The following HOOK3 variants were observed in gnomAD, a reference collection of about 807,000 sequenced individuals.
HOOK3 encodes the protein hook microtubule tethering protein 3.
A neutral mutation model predicts 116.3 loss-of-function variants in HOOK3; 24 were observed. That is an observed-to-expected ratio of 0.21 (90% CI 0.15 to 0.29). The LOEUF is 0.29. Ranked by LOEUF, HOOK3 falls within the 10% of genes least tolerant of loss-of-function variation. The pLI is 1.00. For synonymous variants in HOOK3, 275 were observed against 283.0 expected (o/e 0.97, Z 0.28); for missense variants, 632 against 830.2 (o/e 0.76, Z 2.93).
chr8:42,966,249 T>C (rs566069636), intron 9 of HOOK3, among the ~76,000 whole-genome samples: 1 of 152,320 alleles, frequency 6.6e-6, no homozygotes, highest in Admixed American at 6.5e-5. Flanking sequence ...TGTCTTGCTT[T>C]CTGGTAGGGA....
chr8:42,941,791 G>A (rs1808132953), intron 4 of HOOK3, among the ~76,000 whole-genome samples: 2 of 151,942 alleles, frequency 1.3e-5, no homozygotes, highest in Non-Finnish European at 2.9e-5. Flanking sequence ...GCCAAGTGTG[G>A]GGAAGGACCC....
intron 5 of HOOK3, among the ~76,000 whole-genome samples, chr8:42,946,161 G>A (rs1425663560): frequency 1.3e-5 from 2 of 152,144 alleles, no homozygotes; most frequent in African/African-American, 4.8e-5. Flanking sequence ...TGTTAGAACA[G>A]ACAAGTACCT....
chr8:42,966,682 A>G, intron 10 of HOOK3, 69 bp downstream of exon 10: 1 of 1,534,504 alleles, frequency 6.5e-7, no homozygotes, highest in East Asian at 2.3e-5. Context: ...GTTTCTGAGG[A>G]TCTAGCAAAC....
chr8:43,005,338 A>C (rs1251849009), intron 17 of HOOK3, among the ~76,000 whole-genome samples: 1 of 146,986 alleles, frequency 6.8e-6, no homozygotes, highest in Non-Finnish European at 1.5e-5. Context: ...CTCCTGCCTC[A>C]GCCTCCCGAG....
intron 7 of HOOK3, among the ~76,000 whole-genome samples, chr8:42,958,546 G>T (rs886900655): frequency 6.7e-6 from 1 of 148,644 alleles, no homozygotes; most frequent in Non-Finnish European, 1.5e-5. Flanking sequence ...AATCTCAGGA[G>T]ATGCAAAATT....
At chr8:42,924,987 A>C (rs573223937) in intron 2 of HOOK3, among the ~76,000 whole-genome samples, 2 of 152,102 alleles carry the variant, frequency 1.3e-5, no homozygotes, top group East Asian at 1.9e-4. Context: ...AAAAAAAAAA[A>C]CCCAAAAACT....
At chr8:42,994,388 G>T in intron 15 of HOOK3, 1 of 379,134 alleles carries the variant, frequency 2.6e-6, no homozygotes, top group Non-Finnish European at 5.2e-6. Context: ...TCATTCAGTG[G>T]CATCGTTAGG....
At chr8:42,982,259 A>AAAAAAAAAAAAG (rs552771417) in intron 13 of HOOK3, among the ~76,000 whole-genome samples, 1 of 144,762 alleles carries the variant, frequency 6.9e-6, no homozygotes, top group Non-Finnish European at 1.5e-5. Context: ...TGTCTTAAAA[A>AAAAAAAAAAAAG]AAAAAAAAAA....
chr8:43,007,047 G>A (rs1275498994), intron 17 of HOOK3, among the ~76,000 whole-genome samples: 1 of 73,882 alleles, frequency 1.4e-5, no homozygotes, highest in Admixed American at 1.9e-4. Context: ...TTTTTTTTGA[G>A]ATGGAGTCTC....
chr8:42,975,028 C>G (rs146041137), intron 13 of HOOK3, among the ~76,000 whole-genome samples: 2 of 152,070 alleles, frequency 1.3e-5, no homozygotes, highest in African/African-American at 4.8e-5. Context: ...CCCTCCTTGG[C>G]GTAGCGACGG....
At chr8:42,917,796 CTAAGT>C (rs1317221144) in intron 2 of HOOK3, among the ~76,000 whole-genome samples, 12 of 152,142 alleles carry the variant, frequency 7.9e-5, no homozygotes. Flanking sequence ...TTATAGTACA[CTAAGT>C]TGTCTGTTGG....
intron 4 of HOOK3, among the ~76,000 whole-genome samples, chr8:42,936,016 T>A (rs1446072536): frequency 6.6e-6 from 1 of 152,224 alleles, no homozygotes; most frequent in African/African-American, 2.4e-5. Flanking sequence ...ATTCTTCCTA[T>A]CCATGAGCAT....
At position 42,966,540 on chromosome 8, in the gene HOOK3, C is replaced by G; in HGVS notation, c.847C>G (p.Arg283Gly). ...GTTAGAAAAGGAGATCTCTGAACTT[C>G]GGCAACAGAATGATGAACTGACCAC... The part of the protein sequence containing the change: ...EELEKEISEL[R>G]QQNDELTTLA... Residue 283 changes from arginine to glycine, a missense_variant, in exon 10 of 22, where the codon CGG becomes GGG. Around this residue, in one of 3 missense-constraint regions of HOOK3, gnomAD observed 483 missense variants for 648.1 expected, o/e 0.75. Transcript: ENST00000307602. 1 of 1,614,006 alleles carries G rather than the reference C, an allele frequency of 6.2e-7. No homozygotes were observed. Among genetic ancestry groups the G allele is most frequent in the Non-Finnish European group, 8.5e-7 (1 of 1,179,932 alleles).
At chr8:42,997,845 A>G in intron 16 of HOOK3, 1 of 454,000 alleles carries the variant, frequency 2.2e-6, no homozygotes, top group Non-Finnish European at 4.0e-6. Flanking sequence ...GCTGGGAATT[A>G]GAAGTTCATT....
chr8:42,959,090 C>G (rs1459339897), intron 7 of HOOK3, 141 bp from the exon 8 acceptor site: 1 of 597,272 alleles, frequency 1.7e-6, no homozygotes, highest in Middle Eastern at 3.7e-4. Context: ...TTGTACTCTT[C>G]CACAGGATTC....
intron 15 of HOOK3, among the ~76,000 whole-genome samples, chr8:42,989,154 CCACAT>C (rs1373379250): frequency 5.9e-5 from 9 of 152,200 alleles, no homozygotes; most frequent in Non-Finnish European, 4.4e-5. Context: ...GAGGGGGAAG[CCACAT>C]CAGGATTCCC....
intron 18 of HOOK3, among the ~76,000 whole-genome samples, 185 bp from the exon 19 acceptor site, chr8:43,010,120 A>G (rs995278487): frequency 1.5e-4 from 23 of 150,472 alleles, no homozygotes; most frequent in Admixed American, 5.9e-4. Flanking sequence ...AAAAAAAAAA[A>G]TTCTGAATTT....
At chr8:42,974,318 G>A (rs1252889730) in intron 13 of HOOK3, 124 bp downstream of exon 13, 2 of 605,792 alleles carry the variant, frequency 3.3e-6, no homozygotes, top group Non-Finnish European at 5.9e-6. Context: ...TCTGCCTCCT[G>A]GAACCTCTGC....
intron 5 of HOOK3, 55 bp downstream of exon 5, chr8:42,943,500 T>G: frequency 1.8e-6 from 2 of 1,101,386 alleles, no homozygotes; most frequent in Non-Finnish European, 2.4e-6. Flanking sequence ...AAGTAGTGTA[T>G]ATTTTATATT....
Sources: gnomAD v4.1 joint callset for allele counts (sites outside exome capture counted in the v4.1 genomes callset) on GRCh38, gnomAD v4.1.1 for gene constraint, gnomAD v4.1.1 regional missense constraint, MANE v1.5 for transcripts, NCBI Gene and HGNC (gene_info 2026-07-23, HGNC 2026-07-21) for gene names.